Variants in HS3ST4 observed in about 807,000 individuals in gnomAD.
The protein encoded by HS3ST4 is heparan sulfate-glucosamine 3-sulfotransferase 4.
Under a neutral mutation model 29.2 loss-of-function variants are expected in HS3ST4, and 17 were observed. The observed-to-expected ratio is 0.58, with a 90% CI of 0.40 to 0.87. The LOEUF (loss-of-function observed/expected upper bound fraction) is 0.87, where lower values mean the gene tolerates loss of function less well. HS3ST4 is among the 40% of genes least tolerant of loss of function. The pLI is 0.00. For synonymous variants in HS3ST4, 314 were observed against 285.7 expected, an observed-to-expected ratio of 1.10 and a Z score of -1.00; for missense variants, 627 against 634.5, an observed-to-expected ratio of 0.99 and a Z score of 0.13.
intron 1 of HS3ST4, among the ~76,000 whole-genome samples, chr16:25,779,900 G>A (rs1218390258): frequency 6.6e-6 from 1 of 152,202 alleles, no homozygotes; most frequent in African/African-American, 2.4e-5. Context: ...TGGCATCTTG[G>A]CACGCTGCGG....
intron 1 of HS3ST4, among the ~76,000 whole-genome samples, chr16:25,865,725 G>A (rs983317767): frequency 6.6e-6 from 1 of 152,176 alleles, no homozygotes. Context: ...AATAGGGAAA[G>A]GACAGCCTCT....
intron 1 of HS3ST4, among the ~76,000 whole-genome samples, chr16:25,953,376 A>G (rs1401725668): frequency 6.6e-6 from 1 of 152,208 alleles, no homozygotes; most frequent in East Asian, 1.9e-4. Context: ...TATTATAGCC[A>G]TTATCCACTT....
intron 1 of HS3ST4, among the ~76,000 whole-genome samples, chr16:25,852,568 C>CT (rs947542728): frequency 3.8e-4 from 55 of 145,404 alleles, no homozygotes; most frequent in South Asian, 1.8e-3. Flanking sequence ...AATGGGCAAT[C>CT]TTTTTTTTTT....
intron 1 of HS3ST4, among the ~76,000 whole-genome samples, chr16:25,760,036 C>A (rs1214587686): frequency 1.3e-5 from 2 of 152,136 alleles, no homozygotes; most frequent in African/African-American, 4.8e-5. Context: ...AGGTGAAGGT[C>A]AATGGCATCT....
intron 1 of HS3ST4, among the ~76,000 whole-genome samples, chr16:26,096,123 G>T (rs899079122): frequency 6.6e-6 from 1 of 152,086 alleles, no homozygotes; most frequent in East Asian, 1.9e-4. Flanking sequence ...AACCAAAAAA[G>T]TCCAGGACCA....
rs550111452 is a variant in HS3ST4 at position 25,731,730 on chromosome 16, G to A, written c.734+38579G>A. ...CAAAAGTTGGTCCTTTCTTTGGAAT[G>A]TGGAGGGTTTGGACATCCTTAGCCT... On this transcript the variant is annotated intron_variant, in intron 1 of 1. Transcript: ENST00000331351. Among the ~76,000 whole-genome samples the A allele has an allele frequency of 2.8e-4, 42 of 152,314 alleles. 1 individual carries two copies. In the South Asian group the frequency reaches 3.5e-3, roughly 13 times the overall value.
At chr16:25,767,557 T>C (rs911724064) in intron 1 of HS3ST4, among the ~76,000 whole-genome samples, 4 of 152,148 alleles carry the variant, frequency 2.6e-5, no homozygotes, top group Admixed American at 2.6e-4. Flanking sequence ...TCATTTTAAG[T>C]TTTAGCTCAG....
In HS3ST4 at chr16:25,729,648, G is replaced by T. The variant is rs181887653; in HGVS notation, c.734+36497G>T. Among the ~76,000 whole-genome samples the T allele has an allele frequency of 4.9e-3, 747 of 152,228 alleles. 3 individuals are homozygous for T. The highest frequency in any genetic ancestry group is 0.017 in the African/African-American group (696 of 41,526). ...TTTCACTCATTTCCTTTCCCTTCTT[G>T]TTGTCATGGGGACTTCTTTTCCCTG... is the stretch of plus-strand genomic sequence containing the variant. On this transcript the variant is annotated intron_variant, in intron 1 of 1. Transcript: ENST00000331351.
Position 25,870,919 on chromosome 16 carries a change from A to G in HS3ST4, c.734+177768A>G, listed in dbSNP as rs552419304. ...CATGAGAGAGATGATGCCTGTTCCA[A>G]TCTATCCTGATCCACAAAGAAAGGA... On this transcript the variant is annotated intron_variant, in intron 1 of 1. Coordinates refer to ENST00000331351, the MANE Select transcript of HS3ST4 (RefSeq NM_006040.3). 3.3e-5 allele frequency among the ~76,000 whole-genome samples: 5 copies of G among 152,330 alleles called. No individual in the cohort carries two copies. The East Asian group carries it at 7.7e-4, about 23-fold the overall frequency.
At chr16:25,863,679 G>A (rs1017829864) in intron 1 of HS3ST4, among the ~76,000 whole-genome samples, 2 of 152,028 alleles carry the variant, frequency 1.3e-5, no homozygotes, top group Non-Finnish European at 2.9e-5. Context: ...GGTGTTATGT[G>A]TTGTGTGTGT....
At position 26,136,030 on chromosome 16, in the gene HS3ST4, C is replaced by T; in HGVS notation, c.1153C>T (p.His385Tyr). The T allele has an allele frequency of 6.2e-7, 1 of 1,613,946 alleles. No individual in the cohort carries two copies. The highest frequency in any genetic ancestry group is 8.5e-7 in the Non-Finnish European group (1 of 1,179,872). The stretch of plus-strand genomic sequence containing the variant: ...CCTCAAACGTGTTGTGACTGAGAAG[C>T]ATTTCTATTTCAACAAAACCAAGGG... ...LGLKRVVTEK[H>Y]FYFNKTKGFP... Residue 385 changes from histidine to tyrosine, a missense_variant, in exon 2 of 2, where the codon CAT (histidine) becomes TAT (tyrosine). By Grantham distance (83) the His-to-Tyr change is moderately conservative. Coordinates refer to ENST00000331351, the MANE Select transcript of HS3ST4 (RefSeq NM_006040.3).
intron 1 of HS3ST4, among the ~76,000 whole-genome samples, chr16:25,782,874 T>C (rs1966853882): frequency 6.6e-6 from 1 of 152,210 alleles, no homozygotes; most frequent in South Asian, 2.1e-4. Context: ...CCCGTCTTAT[T>C]GGCTTAATAG....
chr16:25,816,369 G>A (rs543248036), intron 1 of HS3ST4, among the ~76,000 whole-genome samples: 90 of 152,270 alleles, frequency 5.9e-4, no homozygotes, highest in African/African-American at 2.0e-3. Context: ...AGTCAGAGGC[G>A]ATCGATACCT....
At chr16:25,873,614 A>G (rs1056045835) in intron 1 of HS3ST4, among the ~76,000 whole-genome samples, 2 of 149,700 alleles carry the variant, frequency 1.3e-5, no homozygotes, top group Non-Finnish European at 3.0e-5. Flanking sequence ...CCATCCACCC[A>G]TCAATCTACC....
intron 1 of HS3ST4, among the ~76,000 whole-genome samples, chr16:25,816,384 C>T (rs1321625973): frequency 6.6e-6 from 1 of 152,168 alleles, no homozygotes; most frequent in Non-Finnish European, 1.5e-5. Flanking sequence ...ATACCTTTGC[C>T]ATCTGTACCT....
intron 1 of HS3ST4, among the ~76,000 whole-genome samples, chr16:25,935,849 T>C (rs1180485274): frequency 6.6e-6 from 1 of 152,152 alleles, no homozygotes; most frequent in South Asian, 2.1e-4. Flanking sequence ...ATCTCCCACG[T>C]TAAAAAAAAG....
intron 1 of HS3ST4, among the ~76,000 whole-genome samples, chr16:25,944,470 TG>T (rs374521021): frequency 2.0e-5 from 3 of 152,214 alleles, no homozygotes; most frequent in Admixed American, 6.5e-5. Context: ...CAAAACCCCC[TG>T]GGGGGTAGGC....
intron 1 of HS3ST4, among the ~76,000 whole-genome samples, chr16:25,846,510 G>A (rs1283276478): frequency 6.6e-6 from 1 of 151,374 alleles, no homozygotes; most frequent in African/African-American, 2.4e-5. Context: ...CTCCAGCCTG[G>A]GCAACAATGT....
At chr16:25,703,367 C>T (rs1457695720) in intron 1 of HS3ST4, among the ~76,000 whole-genome samples, 1 of 152,102 alleles carries the variant, frequency 6.6e-6, no homozygotes, top group Non-Finnish European at 1.5e-5. Flanking sequence ...ATCACGTGTG[C>T]CAGGCTTGGC....
Sources: allele counts gnomAD v4.1 joint callset (sites outside exome capture counted in the v4.1 genomes callset), GRCh38; gene constraint gnomAD v4.1.1; transcripts MANE v1.5; gene names NCBI Gene and HGNC (gene_info 2026-07-23, HGNC 2026-07-21).